Variants in SPAG16 observed in about 807,000 individuals in gnomAD.
SPAG16 encodes the protein sperm associated antigen 16.
SPAG16 carries 86 observed loss-of-function variants against 80.4 expected under a neutral mutation model. The ratio of observed to expected loss-of-function variants is 1.07; its 90% CI spans 0.90 to 1.28. The LOEUF is 1.28. Ranked by LOEUF, SPAG16 falls within the 50% of genes most tolerant of loss-of-function variation. The pLI is 0.00. For synonymous variants in SPAG16, 294 were observed against 265.9 expected (o/e 1.11, Z -1.03); for missense variants, 870 against 765.3 (o/e 1.14, Z -1.61).
intron 10 of SPAG16, among the ~76,000 whole-genome samples, chr2:213,761,543 C>T (rs973278921): frequency 1.3e-5 from 2 of 151,976 alleles, no homozygotes; most frequent in African/African-American, 4.8e-5. Flanking sequence ...AGAAAAGATT[C>T]AAGTAACAAA....
In SPAG16 at chr2:214,180,709, T is replaced by C. The variant is rs2057283405; in HGVS notation, c.1720+31443T>C. On this transcript the variant is annotated intron_variant, in intron 15 of 15. Coordinates refer to ENST00000331683, the MANE Select transcript of SPAG16 (RefSeq NM_024532.5). ...GTTAAGACACCTAGACACATATTTTTATAATTAAGTGCAAATTGTAAATTA... is the reference window on the plus strand; with the variant it reads ...GTTAAGACACCTAGACACATATTTTCATAATTAAGTGCAAATTGTAAATTA... Among the ~76,000 whole-genome samples, 5 of 151,708 alleles carry C rather than the reference T, an allele frequency of 3.3e-5. No individual in the cohort carries two copies. In the Admixed American group the frequency reaches 3.3e-4, roughly 10 times the overall value.
intron 15 of SPAG16, among the ~76,000 whole-genome samples, chr2:214,170,884 C>T (rs951326168): frequency 6.6e-6 from 1 of 152,040 alleles, no homozygotes; most frequent in East Asian, 1.9e-4. Flanking sequence ...CTAACCATTT[C>T]TTCATGGTGT....
intron 8 of SPAG16, among the ~76,000 whole-genome samples, chr2:213,368,574 T>G (rs1575393790): frequency 6.6e-6 from 1 of 151,992 alleles, no homozygotes; most frequent in Non-Finnish European, 1.5e-5. Flanking sequence ...GGGCAATTAG[T>G]CAGGAAAAAG....
At chr2:214,217,313 C>G (rs970341668) in intron 15 of SPAG16, among the ~76,000 whole-genome samples, 1 of 152,118 alleles carries the variant, frequency 6.6e-6, no homozygotes, top group Non-Finnish European at 1.5e-5. Flanking sequence ...TGTCTTGCTG[C>G]CTTTTGTCAA....
chr2:213,962,509 GAA>G (rs1170775931), intron 12 of SPAG16, among the ~76,000 whole-genome samples: 2 of 152,130 alleles, frequency 1.3e-5, no homozygotes, highest in Non-Finnish European at 2.9e-5. Context: ...TTTAAAGAGA[GAA>G]AGACGGCAAG....
intron 15 of SPAG16, among the ~76,000 whole-genome samples, chr2:214,322,942 C>T (rs1227568393): frequency 3.9e-5 from 6 of 152,142 alleles, no homozygotes; most frequent in East Asian, 1.9e-4. Flanking sequence ...CCTGCAAATC[C>T]GGTTACTCAC....
At chr2:214,277,684 TC>T (rs1692575110) in intron 15 of SPAG16, among the ~76,000 whole-genome samples, 1 of 152,208 alleles carries the variant, frequency 6.6e-6, no homozygotes, top group Non-Finnish European at 1.5e-5. Context: ...GGAAGCTTCA[TC>T]CCAGAGGGGA....
At chr2:213,519,843 T>C (rs1405814341) in intron 10 of SPAG16, among the ~76,000 whole-genome samples, 1 of 152,154 alleles carries the variant, frequency 6.6e-6, no homozygotes, top group East Asian at 1.9e-4. Context: ...CAAAACAATA[T>C]GTTGAAGTTC....
chr2:214,385,830 C>T (rs559813287), intron 15 of SPAG16, among the ~76,000 whole-genome samples: 2 of 152,170 alleles, frequency 1.3e-5, no homozygotes, highest in Middle Eastern at 3.4e-3. Flanking sequence ...GGTGACAGAG[C>T]GAGACTCTTT....
chr2:214,245,006 T>C (rs1264139410), intron 15 of SPAG16, among the ~76,000 whole-genome samples: 1 of 152,160 alleles, frequency 6.6e-6, no homozygotes, highest in African/African-American at 2.4e-5. Flanking sequence ...CAGGACATTC[T>C]TCAGATTCCT....
chr2:214,344,391 CCTTGCTT>C (rs1697924699), intron 15 of SPAG16, among the ~76,000 whole-genome samples: 1 of 152,054 alleles, frequency 6.6e-6, no homozygotes, highest in South Asian at 2.1e-4. Flanking sequence ...GTATCAAATT[CCTTGCTT>C]TTATAAATAT....
chr2:214,374,682 CCAAA>C (rs1298469023), intron 15 of SPAG16, among the ~76,000 whole-genome samples: 3 of 152,034 alleles, frequency 2.0e-5, no homozygotes, highest in African/African-American at 7.2e-5. Flanking sequence ...ATCAGGGATC[CCAAA>C]CAGAGCTGCA....
chr2:213,621,098 A>G (rs2061767076), intron 10 of SPAG16, among the ~76,000 whole-genome samples: 1 of 152,198 alleles, frequency 6.6e-6, no homozygotes, highest in Non-Finnish European at 1.5e-5. Context: ...AAGGAAAGCT[A>G]GTAAGATGCT....
intron 10 of SPAG16, among the ~76,000 whole-genome samples, chr2:213,734,173 T>C (rs2067185700): frequency 6.6e-6 from 1 of 152,136 alleles, no homozygotes; most frequent in South Asian, 2.1e-4. Flanking sequence ...TCATTCTTGA[T>C]CGAGTGATGG....
intron 8 of SPAG16, among the ~76,000 whole-genome samples, chr2:213,369,698 C>T (rs2066525544): frequency 6.6e-6 from 1 of 152,010 alleles, no homozygotes; most frequent in Non-Finnish European, 1.5e-5. Flanking sequence ...GTCTTGTGAG[C>T]TGAATTCATT....
intron 10 of SPAG16, 132 bp downstream of exon 10, chr2:213,490,222 G>A: frequency 1.2e-6 from 1 of 814,008 alleles, no homozygotes; most frequent in African/African-American, 1.8e-5. Flanking sequence ...TAGCATGAAA[G>A]AATCTGCTTA....
At chr2:213,942,167 C>T (rs910259857) in intron 12 of SPAG16, among the ~76,000 whole-genome samples, 2 of 152,138 alleles carry the variant, frequency 1.3e-5, no homozygotes, top group East Asian at 1.9e-4. Context: ...GTCAAAACCC[C>T]AACTCTGGTT....
chr2:213,894,255 G>A (rs1016683740), intron 11 of SPAG16, among the ~76,000 whole-genome samples: 2 of 151,974 alleles, frequency 1.3e-5, no homozygotes, highest in African/African-American at 4.8e-5. Context: ...TATTTAAGTG[G>A]GATTCATCTC....
chr2:213,376,506 A>C (rs2066889137), intron 9 of SPAG16, among the ~76,000 whole-genome samples: 1 of 152,078 alleles, frequency 6.6e-6, no homozygotes, highest in South Asian at 2.1e-4. Context: ...AATAAGGTGA[A>C]TCCTTCTCAC....
Sources: gnomAD v4.1 joint callset for allele counts (sites outside exome capture counted in the v4.1 genomes callset) on GRCh38, gnomAD v4.1.1 for gene constraint, MANE v1.5 for transcripts, NCBI Gene and HGNC (gene_info 2026-07-23, HGNC 2026-07-21) for gene names.